NDRG4: variants seen among roughly 807,000 people sequenced by gnomAD.
NDRG4 encodes the protein NDRG family member 4, also known as protein NDRG4.
Under a neutral mutation model 55.8 loss-of-function variants are expected in NDRG4, and 38 were observed. That is an observed-to-expected ratio of 0.68 (90% CI 0.53 to 0.89). The LOEUF is 0.89. Ranked by LOEUF, NDRG4 falls within the 40% of genes least tolerant of loss-of-function variation. The probability of loss-of-function intolerance (pLI) is 0.00; values close to 1 mark genes in which losing one functional copy is unlikely to be tolerated. For synonymous variants in NDRG4, 190 were observed against 182.7 expected (o/e 1.04, Z -0.32); for missense variants, 455 against 468.6 (o/e 0.97, Z 0.27).
chr16:58,504,231 GA>G lies in NDRG4; in HGVS notation c.206del (p.Asp69ValfsTer40). The G allele has an allele frequency of 6.2e-7, 1 of 1,614,184 alleles. No homozygotes were observed. The highest frequency in any genetic ancestry group is 1.3e-5 in the African/African-American group (1 of 75,056). On this transcript the variant is annotated frameshift_variant, in exon 3 of 15. Coordinates refer to ENST00000570248, the MANE Select transcript of NDRG4 (RefSeq NM_001242835.2). LOFTEE classifies it high-confidence loss of function. Reference protein sequence around the residue: ...ITKHFVVCHVDAPGQQVGASQ... With the variant: ...ITKHFVVCHVXAPGQQVGASQ... Reference sequence around the variant, plus strand: ...CAAGCACTTTGTGGTGTGTCACGTGGATGCCCCTGGACAACAGGTGGGGGCG... The same window carrying G: ...CAAGCACTTTGTGGTGTGTCACGTGGTGCCCCTGGACAACAGGTGGGGGCG...
At chr16:58,504,512 G>A in intron 4 of NDRG4, 77 bp from the exon 5 acceptor site, 1 of 1,611,806 alleles carries the variant, frequency 6.2e-7, no homozygotes, top group South Asian at 1.1e-5. Context: ...TTCAGGCTAT[G>A]GGCAGGGCCT....
chr16:58,501,018 C>T, intron 1 of NDRG4: 1 of 1,245,626 alleles, frequency 8.0e-7, no homozygotes, highest in Non-Finnish European at 1.0e-6. Context: ...AGCCGTGAAG[C>T]TGGCAGGGCT....
chr16:58,498,872 T>G (rs922699054), upstream of NDRG4, among the ~76,000 whole-genome samples: 10 of 152,192 alleles, frequency 6.6e-5, no homozygotes, highest in African/African-American at 1.2e-4. Context: ...GTCTGCCACT[T>G]CTTTGCTGTG....
At position 58,464,932 on chromosome 16, in the gene NDRG4, G is replaced by A. The variant is rs1459157244; in HGVS notation, c.-24+1135G>A. On this transcript the variant is annotated intron_variant, in intron 1 of 15. Coordinates refer to the NDRG4 transcript ENST00000258187. The surrounding 1 kb of genome is among the most constrained non-coding windows in gnomAD (Gnocchi z 4.8). ...GAGGCGACGCCAAGTGGCCTGGGAA[G>A]TGGGAAGCCAGATTGGACCCTACTG... The A allele has an allele frequency of 6.8e-6, 8 of 1,176,734 alleles. No homozygotes were observed. The highest frequency in any genetic ancestry group is 3.2e-5 in the South Asian group (2 of 62,664). The allele number at this position is 1,176,734 out of a possible 1,614,324, so 72.9% of individuals were successfully genotyped here.
chr16:58,491,014 C>T (rs1295456575), intron 2 of NDRG4, among the ~76,000 whole-genome samples: 1 of 151,656 alleles, frequency 6.6e-6, no homozygotes, highest in Admixed American at 6.6e-5. Context: ...TGGTGGCTCA[C>T]ACCTATAATC....
At chr16:58,483,437 G>T (rs1482942999) in intron 1 of NDRG4, among the ~76,000 whole-genome samples, 1 of 152,084 alleles carries the variant, frequency 6.6e-6, no homozygotes, top group African/African-American at 2.4e-5. Context: ...AAACTGAAAT[G>T]CAATTCCTCT....
intron 1 of NDRG4, chr16:58,500,964 T>TTGCA: frequency 8.1e-7 from 1 of 1,234,602 alleles, no homozygotes. Flanking sequence ...CGAGGAGGGG[T>TTGCA]TGCCTGCCTG....
chr16:58,483,093 G>A (rs923283187), intron 1 of NDRG4, among the ~76,000 whole-genome samples: 1 of 151,974 alleles, frequency 6.6e-6, no homozygotes, highest in East Asian at 1.9e-4. Flanking sequence ...GCCCCCCAGT[G>A]TATTTTCAAA....
chr16:58,485,442 G>C (rs1201838095), intron 1 of NDRG4, among the ~76,000 whole-genome samples: 1 of 152,194 alleles, frequency 6.6e-6, no homozygotes, highest in South Asian at 2.1e-4. Context: ...ATGGTGTCCA[G>C]GGTGGTTTCA....
chr16:58,511,143 G>A (rs1033535962), intron 14 of NDRG4: 5 of 505,486 alleles, frequency 9.9e-6, no homozygotes, highest in South Asian at 2.9e-5. Flanking sequence ...TTCTCCACTG[G>A]CATCCTCTTG....
chr16:58,465,984 T>C (rs1266294604), intron 1 of NDRG4, among the ~76,000 whole-genome samples: 1 of 151,688 alleles, frequency 6.6e-6, no homozygotes, highest in Non-Finnish European at 1.5e-5. Flanking sequence ...GTTAACCCCC[T>C]GGAGGGAAGG....
intron 1 of NDRG4, among the ~76,000 whole-genome samples, chr16:58,478,180 G>A (rs1204144726): frequency 6.7e-6 from 1 of 149,248 alleles, no homozygotes; most frequent in Non-Finnish European, 1.5e-5. Flanking sequence ...CACGAGGTCA[G>A]GGGTTTGAGA....
At chr16:58,484,198 C>T (rs1051914873) in intron 1 of NDRG4, among the ~76,000 whole-genome samples, 6 of 152,092 alleles carry the variant, frequency 3.9e-5, no homozygotes, top group Non-Finnish European at 7.4e-5. Flanking sequence ...GGTAAAACCT[C>T]ATTTCTACTA....
At chr16:58,496,842 A>T (rs1002191477), upstream of NDRG4, 14 of 152,290 alleles carry the variant, frequency 9.2e-5, no homozygotes, top group African/African-American at 2.9e-4. Flanking sequence ...GATGTTAGGC[A>T]GGTTACCAAA....
upstream of NDRG4, among the ~76,000 whole-genome samples, chr16:58,496,608 C>T (rs866978987): frequency 6.6e-6 from 1 of 152,016 alleles, no homozygotes; most frequent in Non-Finnish European, 1.5e-5. Context: ...TAGGTTCTGG[C>T]CCCGCCACTT....
At chr16:58,510,704 C>A in intron 14 of NDRG4, 21 bp downstream of exon 14, 1 of 1,535,394 alleles carries the variant, frequency 6.5e-7, no homozygotes, top group Admixed American at 2.0e-5. Flanking sequence ...GGCCCTTCCC[C>A]TGATGCATGG....
chr16:58,510,968 G>A (rs1027461300), intron 14 of NDRG4: 8 of 548,634 alleles, frequency 1.5e-5, no homozygotes, highest in Non-Finnish European at 3.3e-6. Flanking sequence ...GCCCAGGCCT[G>A]GCCCTGCCTG....
chr16:58,514,122 G>C (rs1375286203), downstream of NDRG4, among the ~76,000 whole-genome samples: 1 of 152,148 alleles, frequency 6.6e-6, no homozygotes, highest in Non-Finnish European at 1.5e-5. Flanking sequence ...GTCTGACAGG[G>C]TTAATGATTA....
intron 8 of NDRG4, 121 bp from the exon 9 acceptor site, chr16:58,507,687 C>A: frequency 1.1e-6 from 1 of 922,132 alleles, no homozygotes; most frequent in South Asian, 1.6e-5. Context: ...GCCTCCAGTT[C>A]ATTTATGCAG....
Sources: gnomAD v4.1 joint callset for allele counts (sites outside exome capture counted in the v4.1 genomes callset) on GRCh38, gnomAD v4.1.1 for gene constraint, Gnocchi (gnomAD v3.1) non-coding constraint, MANE v1.5 for transcripts, NCBI Gene and HGNC (gene_info 2026-07-23, HGNC 2026-07-21) for gene names.